Variants in SFMBT2 observed in about 807,000 individuals in gnomAD.
SFMBT2 encodes the protein Scm like with four mbt domains 2, also known as scm-like with four MBT domains protein 2.
In SFMBT2, 38 loss-of-function variants were observed where a neutral mutation model predicts 110.1. That is an observed-to-expected ratio of 0.35 (90% CI 0.27 to 0.45). SFMBT2 has a LOEUF of 0.45. SFMBT2 is among the 20% of genes least tolerant of loss of function. The probability of loss-of-function intolerance (pLI) is 1.00; values close to 1 mark genes in which losing one functional copy is unlikely to be tolerated. For missense variants in SFMBT2, 1,011 were observed against 1,094.9 expected (o/e 0.92, Z 1.08); for synonymous variants, 425 against 425.4 (o/e 1.00, Z 0.01).
chr10:7,217,576 G>A (rs533660557), intron 11 of SFMBT2, among the ~76,000 whole-genome samples: 7 of 152,234 alleles, frequency 4.6e-5, no homozygotes, highest in South Asian at 4.1e-4. Context: ...GCAAGCAGGC[G>A]AACCTTCTTC....
At position 7,180,544 on chromosome 10, in the gene SFMBT2, C is replaced by T. The variant is rs1009528427; in HGVS notation, c.1809-4379G>A. On this transcript the variant is annotated intron_variant, in intron 16 of 20. Coordinates refer to ENST00000397167, the MANE Select transcript of SFMBT2 (RefSeq NM_001387889.1). Reference sequence around the variant, plus strand: ...TAAAAAGGTCACTGGGGCCCAACTCCGGACAGCCATGAAGAGCCTTTAACC... The same window carrying T: ...TAAAAAGGTCACTGGGGCCCAACTCTGGACAGCCATGAAGAGCCTTTAACC... Among the ~76,000 whole-genome samples, 11 of 152,138 alleles carry T rather than the reference C, an allele frequency of 7.2e-5. No homozygotes were observed. The East Asian group carries it at 7.7e-4, about 11-fold the overall frequency.
In SFMBT2 at chr10:7,171,125, C is replaced by G; in HGVS notation, c.2416-69G>C. 6.2e-7 allele frequency: 1 copy of G among 1,606,740 alleles called. No homozygotes were observed. The highest frequency in any genetic ancestry group is 1.3e-5 in the African/African-American group (1 of 74,994). On this transcript the variant is annotated intron_variant, in intron 19 of 20. Transcript: ENST00000397167. The surrounding 1 kb of genome is among the most constrained non-coding windows in gnomAD (Gnocchi z 4.9). The stretch of plus-strand genomic sequence containing the variant: ...CTGGCTGGGTCCTCTCCAGCACTCT[C>G]CAGGCCTCGGCCGTTCCTGGCCGGA...
intron 4 of SFMBT2, among the ~76,000 whole-genome samples, chr10:7,332,032 A>G (rs1295247091): frequency 4.9e-5 from 7 of 143,042 alleles, no homozygotes; most frequent in South Asian, 2.4e-4. Flanking sequence ...AAAAAAAAAA[A>G]AAAAAGGAAA....
At chr10:7,191,181 C>G (rs897824641) in intron 15 of SFMBT2, among the ~76,000 whole-genome samples, 3 of 152,212 alleles carry the variant, frequency 2.0e-5, no homozygotes, top group Non-Finnish European at 4.4e-5. Flanking sequence ...CACCTCATTT[C>G]TCAGCTCTTT....
Position 7,188,675 on chromosome 10 carries a change from T to C in SFMBT2, c.1757A>G (p.Gln586Arg), listed in dbSNP as rs1192207085. 7 of 1,613,746 alleles carry C rather than the reference T, an allele frequency of 4.3e-6. No individual in the cohort carries two copies. Among genetic ancestry groups the C allele is most frequent in the African/African-American group, 1.3e-5 (1 of 74,934 alleles). The change falls in exon 16 of 21, where the codon CAG becomes CGG. Residue 586 changes from glutamine (Q) to arginine (R), a missense_variant. Gln to Arg is a conservative substitution (Grantham distance 43). This residue lies in a region of SFMBT2 where 979 missense variants were observed against 1,016.1 expected (regional missense o/e 0.96). Transcript: ENST00000397167. ...ATTCCAGTGGGGATCTTCTACCAGC[T>C]GTAATTCTCTTAATACCCTTCCAGG... Reference protein sequence around the residue: ...YKPGRVLRELQLVEDPHWNFQ... With the variant: ...YKPGRVLRELRLVEDPHWNFQ...
intron 7 of SFMBT2, among the ~76,000 whole-genome samples, chr10:7,274,855 C>CA (rs958558618): frequency 0.026 from 3,713 of 140,828 alleles, 65 homozygotes; most frequent in South Asian, 0.05. Flanking sequence ...ACCGTTTCTC[C>CA]AAAAAAAAAA....
chr10:7,345,647 G>A (rs573044973), intron 4 of SFMBT2, among the ~76,000 whole-genome samples: 5 of 152,290 alleles, frequency 3.3e-5, no homozygotes, highest in African/African-American at 9.6e-5. Context: ...GTGAGCCACC[G>A]TGCCCAGCCC....
chr10:7,407,392 G>C (rs12766395), intron 1 of SFMBT2, among the ~76,000 whole-genome samples: 3,295 of 152,260 alleles, frequency 0.022, 52 homozygotes, highest in Middle Eastern at 0.041. Flanking sequence ...AAGAGTGGAG[G>C]GGGGATGGAG....
chr10:7,250,041 T>C (rs1189690135), intron 7 of SFMBT2, among the ~76,000 whole-genome samples: 3 of 152,222 alleles, frequency 2.0e-5, no homozygotes, highest in African/African-American at 2.4e-5. Flanking sequence ...AAAAATTATA[T>C]GCAGAAGGAA....
At chr10:7,290,808 G>A (rs139313607) in intron 4 of SFMBT2, among the ~76,000 whole-genome samples, 1 of 152,254 alleles carries the variant, frequency 6.6e-6, no homozygotes, top group Non-Finnish European at 1.5e-5. Context: ...CTACACTCCA[G>A]CCTGGGTAAC....
At chr10:7,222,354 GCT>G (rs1302696655) in intron 10 of SFMBT2, among the ~76,000 whole-genome samples, 3 of 152,200 alleles carry the variant, frequency 2.0e-5, no homozygotes, top group East Asian at 1.9e-4. Flanking sequence ...ATCTGCTCAG[GCT>G]GCTGTGGCAA....
In SFMBT2 at chr10:7,162,391, A is replaced by G. The variant is rs1321947255; in HGVS notation, c.*1379T>C. 2 of 152,288 alleles carry G rather than the reference A, an allele frequency of 1.3e-5. No individual in the cohort carries two copies. Among genetic ancestry groups the G allele is most frequent in the Non-Finnish European group, 2.9e-5 (2 of 68,050 alleles). 9.4% of individuals were successfully genotyped at this position (152,288 alleles called of 1,614,324 possible). A position where few individuals can be genotyped will look rare whatever the true frequency, so the allele number is the denominator to read the frequency against. ...GGTCCACACCTGTCACTTCACAGGA[A>G]TGGAGGTCCAGAGTGATGAGAAGTC... On this transcript the variant is annotated 3_prime_UTR_variant, in exon 21 of 21. Transcript: ENST00000397167.
chr10:7,205,635 G>A, intron 12 of SFMBT2, 180 bp downstream of exon 12: 1 of 985,266 alleles, frequency 1.0e-6, no homozygotes, highest in South Asian at 4.7e-5. Context: ...GTCAACCTGT[G>A]ACATCATCTC....
intron 12 of SFMBT2, chr10:7,203,047 A>G (rs1839009071): frequency 1.0e-6 from 1 of 985,348 alleles, no homozygotes; most frequent in South Asian, 4.7e-5. Flanking sequence ...ATTTCTTTGG[A>G]TAAGAACATT....
chr10:7,248,507 A>T, intron 8 of SFMBT2, 41 bp downstream of exon 8: 1 of 1,533,856 alleles, frequency 6.5e-7, no homozygotes, highest in Non-Finnish European at 9.0e-7. Flanking sequence ...AATTTGATCC[A>T]CTCTAGGGGC....
At chr10:7,241,580 A>G (rs1285332326) in intron 9 of SFMBT2, among the ~76,000 whole-genome samples, 1 of 152,204 alleles carries the variant, frequency 6.6e-6, no homozygotes, top group Non-Finnish European at 1.5e-5. Context: ...TCATAACTAA[A>G]TATTATGTAT....
chr10:7,286,449 A>T, intron 4 of SFMBT2: 2 of 843,040 alleles, frequency 2.4e-6, no homozygotes, highest in South Asian at 1.1e-4. Flanking sequence ...GAAATAGAGA[A>T]ATGGGGAGAA....
At chr10:7,395,556 C>G (rs1341690814) in intron 1 of SFMBT2, among the ~76,000 whole-genome samples, 1 of 152,212 alleles carries the variant, frequency 6.6e-6, no homozygotes, top group Non-Finnish European at 1.5e-5. Flanking sequence ...TTCTAAGAGT[C>G]ATTCAAATGC....
At chr10:7,195,621 G>A (rs1371704446) in intron 15 of SFMBT2, among the ~76,000 whole-genome samples, 1 of 152,108 alleles carries the variant, frequency 6.6e-6, no homozygotes, top group Non-Finnish European at 1.5e-5. Context: ...GCACATTTCA[G>A]GTGCTGTGAG....
Sources: gnomAD v4.1 joint callset for allele counts (sites outside exome capture counted in the v4.1 genomes callset) on GRCh38, gnomAD v4.1.1 for gene constraint, gnomAD v4.1.1 regional missense constraint, Gnocchi (gnomAD v3.1) non-coding constraint, MANE v1.5 for transcripts, NCBI Gene and HGNC (gene_info 2026-07-23, HGNC 2026-07-21) for gene names.